SMYD3: variants seen among roughly 807,000 people sequenced by gnomAD.
The protein encoded by SMYD3 is histone-lysine N-methyltransferase SMYD3.
In SMYD3, 36 loss-of-function variants were observed where a neutral mutation model predicts 57.7. The observed-to-expected ratio is 0.62, with a 90% CI of 0.48 to 0.82. SMYD3 has a LOEUF of 0.82. Ranked by LOEUF, SMYD3 falls within the 40% of genes least tolerant of loss-of-function variation. The pLI, the probability that SMYD3 is intolerant of heterozygous loss-of-function variation, is 0.00. For missense variants in SMYD3, 515 were observed against 538.8 expected (o/e 0.96, Z 0.44); for synonymous variants, 211 against 195.0 (o/e 1.08, Z -0.68).
chr1:245,858,871 T>C (rs1343333411), intron 9 of SMYD3, among the ~76,000 whole-genome samples: 1 of 152,198 alleles, frequency 6.6e-6, no homozygotes, highest in African/African-American at 2.4e-5. Context: ...TCTGTTTACA[T>C]CAACAAACTA....
intron 5 of SMYD3, among the ~76,000 whole-genome samples, chr1:246,166,450 T>C (rs552042600): frequency 1.4e-4 from 22 of 152,316 alleles, no homozygotes; most frequent in African/African-American, 5.3e-4. Flanking sequence ...CTACTCACTG[T>C]GTGAAAAAGC....
chr1:246,075,196 T>C (rs1227332014), intron 5 of SMYD3, among the ~76,000 whole-genome samples: 1 of 151,810 alleles, frequency 6.6e-6, no homozygotes, highest in Non-Finnish European at 1.5e-5. Flanking sequence ...AATGAACAAA[T>C]AGGAAATATC....
Position 246,281,573 on chromosome 1 carries a change from G to A in SMYD3, c.531+45628C>T, listed in dbSNP as rs138419332. ...AAACACCTTAAGCACAGGAAATTAC[G>A]TTATTGTCATCTCTGTATCCTCAGA... On this transcript the variant is annotated intron_variant, in intron 5 of 11. Transcript: ENST00000490107. Among the ~76,000 whole-genome samples, 298 of 152,272 alleles carry A rather than the reference G, an allele frequency of 2.0e-3. 2 individuals are homozygous for A. The highest frequency in any genetic ancestry group is 6.8e-3 in the African/African-American group (283 of 41,562).
intron 5 of SMYD3, among the ~76,000 whole-genome samples, chr1:246,020,810 T>C (rs1192547813): frequency 1.3e-5 from 2 of 152,222 alleles, no homozygotes; most frequent in Non-Finnish European, 2.9e-5. Context: ...AGCCTGACTG[T>C]AAACTCATGG....
intron 1 of SMYD3, among the ~76,000 whole-genome samples, chr1:246,426,844 T>C (rs548478793): frequency 1.3e-5 from 2 of 152,308 alleles, no homozygotes; most frequent in Non-Finnish European, 2.9e-5. Flanking sequence ...CTAGAAGCCA[T>C]TATTTGTTCA....
intron 5 of SMYD3, among the ~76,000 whole-genome samples, chr1:246,016,626 T>C (rs2059381489): frequency 6.6e-6 from 1 of 151,628 alleles, no homozygotes; most frequent in African/African-American, 2.4e-5. Flanking sequence ...AACAACAGCA[T>C]TACCTGTGAA....
chr1:246,364,557 A>T (rs1308018971), intron 1 of SMYD3, among the ~76,000 whole-genome samples: 4 of 152,226 alleles, frequency 2.6e-5, no homozygotes, highest in African/African-American at 9.6e-5. Flanking sequence ...CACACTGCTA[A>T]GGCATCACAC....
At position 246,458,486 on chromosome 1, in the gene SMYD3, G is replaced by T. The variant is rs543497555; in HGVS notation, c.164+48568C>A. Among the ~76,000 whole-genome samples, 6 of 109,366 alleles carry T rather than the reference G, an allele frequency of 5.5e-5. No individual in the cohort carries two copies. In the South Asian group the frequency reaches 1.5e-3, roughly 28 times the overall value. The allele number at this position is 109,366 out of a possible 152,430, so 71.7% of individuals were successfully genotyped here. A position where few individuals can be genotyped will look rare whatever the true frequency, so the allele number is the denominator to read the frequency against. On this transcript the variant is annotated intron_variant, in intron 1 of 11. Transcript: ENST00000490107. ...TTTTGAGACAGAGTCTCGCTCTGTT[G>T]CCCAGGCTGGAGTGCAGTGGTGCGA...
intron 5 of SMYD3, among the ~76,000 whole-genome samples, chr1:246,320,845 G>T (rs3795461): frequency 0.14 from 21,511 of 152,210 alleles, 2,055 homozygotes; most frequent in East Asian, 0.39. Flanking sequence ...TTAAGGGATA[G>T]AATAGAGAAA....
chr1:245,880,288 A>C (rs534625865), intron 8 of SMYD3, among the ~76,000 whole-genome samples: 4 of 152,352 alleles, frequency 2.6e-5, no homozygotes, highest in Non-Finnish European at 4.4e-5. Flanking sequence ...GATTTCAACC[A>C]GGATTTGTTA....
At chr1:246,060,821 C>A (rs2060239201) in intron 5 of SMYD3, among the ~76,000 whole-genome samples, 1 of 151,264 alleles carries the variant, frequency 6.6e-6, no homozygotes, top group Non-Finnish European at 1.5e-5. Context: ...ACTCTTACTG[C>A]TACTGACAAT....
At chr1:246,267,558 T>C (rs1368142653) in intron 5 of SMYD3, among the ~76,000 whole-genome samples, 4 of 152,240 alleles carry the variant, frequency 2.6e-5, no homozygotes. Flanking sequence ...AAACAGATCT[T>C]ATCTAAGAAT....
intron 5 of SMYD3, among the ~76,000 whole-genome samples, chr1:246,174,104 C>T: frequency 6.6e-6 from 1 of 152,112 alleles, no homozygotes; most frequent in East Asian, 1.9e-4. Context: ...GCCACTGCAT[C>T]TGGCCAACTT....
intron 5 of SMYD3, among the ~76,000 whole-genome samples, chr1:245,956,864 T>C (rs529676458): frequency 6.6e-6 from 1 of 152,266 alleles, no homozygotes; most frequent in Non-Finnish European, 1.5e-5. Context: ...GAACATTGCA[T>C]ACCCATCTTA....
chr1:246,160,999 G>A (rs551298749), intron 5 of SMYD3, among the ~76,000 whole-genome samples: 32 of 152,298 alleles, frequency 2.1e-4, no homozygotes, highest in African/African-American at 7.7e-4. Flanking sequence ...CCAACATGCA[G>A]GCTGGGACTG....
intron 5 of SMYD3, among the ~76,000 whole-genome samples, chr1:245,984,585 G>C (rs571526363): frequency 8.5e-5 from 13 of 152,152 alleles, no homozygotes; most frequent in Non-Finnish European, 1.6e-4. Flanking sequence ...TCCAAACCCA[G>C]AGTTTCTAAT....
At chr1:246,477,448 G>A (rs1311112960) in intron 1 of SMYD3, among the ~76,000 whole-genome samples, 2 of 152,082 alleles carry the variant, frequency 1.3e-5, no homozygotes, top group Non-Finnish European at 2.9e-5. Flanking sequence ...CCTGAGACAA[G>A]TTTAGAAGGG....
chr1:245,765,067 C>A (rs2046016427), intron 10 of SMYD3, among the ~76,000 whole-genome samples: 2 of 121,868 alleles, frequency 1.6e-5, no homozygotes, highest in African/African-American at 6.2e-5. Context: ...CACACACACA[C>A]ACACACACAC....
chr1:246,366,930 CAAAA>C (rs1269333583), intron 1 of SMYD3, among the ~76,000 whole-genome samples: 1 of 58,616 alleles, frequency 1.7e-5, no homozygotes. Context: ...GACTCCATCT[CAAAA>C]AAAAAAAAAA....
Sources: allele counts gnomAD v4.1 joint callset (sites outside exome capture counted in the v4.1 genomes callset), GRCh38; gene constraint gnomAD v4.1.1; transcripts MANE v1.5; gene names NCBI Gene and HGNC (gene_info 2026-07-23, HGNC 2026-07-21).